Variants in THADA observed in about 807,000 individuals in gnomAD.
THADA encodes tRNA (32-2'-O)-methyltransferase regulator THADA.
A neutral mutation model predicts 219.8 loss-of-function variants in THADA; 213 were observed. That is an observed-to-expected ratio of 0.97 (90% CI 0.87 to 1.09). The LOEUF (loss-of-function observed/expected upper bound fraction) is 1.09, where lower values mean the gene tolerates loss of function less well. Among genes scored for constraint, THADA ranks in the 50% least tolerant of loss-of-function variants. THADA has a pLI of 0.00. For synonymous variants in THADA, 1,018 were observed against 828.9 expected, an observed-to-expected ratio of 1.23 and a Z score of -3.92; for missense variants, 2,956 against 2,311.3, an observed-to-expected ratio of 1.28 and a Z score of -5.72.
rs142507933 is a variant in THADA, at chr2:43,551,958, A to G, written c.2811-33T>C. 7.6e-5 allele frequency: 120 copies of G among 1,581,462 alleles called. 2 individuals are homozygous for G. In the East Asian group the frequency reaches 2.6e-3, roughly 35 times the overall value. On this transcript the variant is annotated intron_variant, in intron 18 of 37. Coordinates refer to ENST00000405975, the MANE Select transcript of THADA (RefSeq NM_022065.5). ...AAGGACATTAGGGAAATTTATACTA[A>G]AAGCAAAAATCACATTTTAAAAATG...
chr2:43,476,362 C>G (rs1023689023), intron 26 of THADA, among the ~76,000 whole-genome samples: 1 of 152,114 alleles, frequency 6.6e-6, no homozygotes, highest in African/African-American at 2.4e-5. Flanking sequence ...GGAAGCTTGC[C>G]TGGGGCTCAT....
At chr2:43,262,256 G>A (rs1451993469) in intron 36 of THADA, among the ~76,000 whole-genome samples, 3 of 152,148 alleles carry the variant, frequency 2.0e-5, no homozygotes, top group Admixed American at 6.5e-5. Flanking sequence ...AGTGTTTTAT[G>A]GGACTTTGGG....
intron 1 of THADA, among the ~76,000 whole-genome samples, chr2:43,595,146 G>A (rs1474894432): frequency 6.6e-6 from 1 of 152,136 alleles, no homozygotes; most frequent in African/African-American, 2.4e-5. Flanking sequence ...GTTCTAGAAG[G>A]GATATATGTC....
chr2:43,514,755 A>T lies in THADA; in HGVS notation c.3375-5975T>A, dbSNP rs1440554410. ...ATATGTATAATATATAATATTTTAT[A>T]TATAATATGTATAATATATATTTTA... On this transcript the variant is annotated intron_variant, in intron 22 of 37. Transcript: ENST00000405975. Among the ~76,000 whole-genome samples, 52 of 86,768 alleles carry T rather than the reference A, an allele frequency of 6.0e-4. 2 individuals carry two copies. Among genetic ancestry groups the T allele is most frequent in the African/African-American group, 2.6e-3 (51 of 19,790 alleles). The allele number at this position is 86,768 out of a possible 152,430, so 56.9% of individuals were successfully genotyped here. A position where few individuals can be genotyped will look rare whatever the true frequency, so the allele number is the denominator to read the frequency against.
At chr2:43,320,831 C>A (rs902486146) in intron 30 of THADA, among the ~76,000 whole-genome samples, 1 of 152,086 alleles carries the variant, frequency 6.6e-6, no homozygotes, top group Non-Finnish European at 1.5e-5. Flanking sequence ...AAGATCCTAT[C>A]TTAGTTAGTT....
At chr2:43,582,109 T>A (rs17031092) in intron 7 of THADA, among the ~76,000 whole-genome samples, 181 bp from the exon 8 acceptor site, 3 of 152,150 alleles carry the variant, frequency 2.0e-5, no homozygotes, top group African/African-American at 7.2e-5. Flanking sequence ...AATTGCAAAC[T>A]TTCAACACTG....
intron 26 of THADA, among the ~76,000 whole-genome samples, chr2:43,446,374 C>T (rs1681558419): frequency 1.3e-5 from 2 of 152,184 alleles, no homozygotes; most frequent in South Asian, 4.1e-4. Context: ...GCAGAAGTGA[C>T]ACTGTGCTAG....
chr2:43,244,389 G>A (rs6544634), intron 36 of THADA, among the ~76,000 whole-genome samples: 1 of 152,174 alleles, frequency 6.6e-6, no homozygotes, highest in South Asian at 2.1e-4. Flanking sequence ...TGAAAAAGAC[G>A]TGGTTCTCCA....
chr2:43,402,971 A>T (rs1419065333), intron 28 of THADA, among the ~76,000 whole-genome samples: 1 of 152,224 alleles, frequency 6.6e-6, no homozygotes, highest in East Asian at 1.9e-4. Context: ...CCCAGACAAA[A>T]GGAAGGAAAC....
At chr2:43,560,588 G>C (rs1025823726) in intron 15 of THADA, among the ~76,000 whole-genome samples, 5 of 152,040 alleles carry the variant, frequency 3.3e-5, no homozygotes, top group African/African-American at 1.2e-4. Flanking sequence ...AATTAAAAAA[G>C]ATTTTTAAAC....
Position 43,541,187 on chromosome 2 carries a change from G to T in THADA, c.3236C>A (p.Ser1079Tyr), listed in dbSNP as rs751470684. The T allele has an allele frequency of 3.1e-6, 5 of 1,596,132 alleles. No individual in the cohort carries two copies. The highest frequency in any genetic ancestry group is 2.3e-5 in the South Asian group (2 of 87,396). The change falls in exon 21 of 38, where the codon TCT becomes TAT. Residue 1079 changes from serine (S) to tyrosine (Y), a missense_variant. By Grantham distance (144) the Ser-to-Tyr change is moderately radical. Transcript: ENST00000405975. Reference sequence around the variant, plus strand: ...CTCCACCGTCAATAATCCATCAGAAGATTCTGGCACAGGCTGCATGGGCAG... The same window carrying T: ...CTCCACCGTCAATAATCCATCAGAATATTCTGGCACAGGCTGCATGGGCAG... The part of the protein sequence containing the change: ...QLLPMQPVPE[S>Y]SDGLLTVEQV...
intron 22 of THADA, among the ~76,000 whole-genome samples, chr2:43,510,500 G>A (rs1462959476): frequency 6.6e-6 from 1 of 152,026 alleles, no homozygotes; most frequent in Non-Finnish European, 1.5e-5. Flanking sequence ...TAAGATAAAT[G>A]TCTTGTGTTT....
At chr2:43,591,031 G>GTCTC (rs1701505758) in intron 3 of THADA, 77 bp from the exon 4 acceptor site, 7 of 1,402,984 alleles carry the variant, frequency 5.0e-6, no homozygotes, top group Non-Finnish European at 5.9e-6. Flanking sequence ...ACTCTTTGAA[G>GTCTC]TCTCAATTGC....
chr2:43,404,026 T>C (rs909528083), intron 28 of THADA, among the ~76,000 whole-genome samples: 2 of 152,208 alleles, frequency 1.3e-5, no homozygotes, highest in African/African-American at 2.4e-5. Flanking sequence ...TGGATTATAC[T>C]ACCTTCAAAA....
Position 43,571,802 on chromosome 2 carries a change from T to C in THADA, c.1969A>G (p.Met657Val), listed in dbSNP as rs3752354. 5.0e-6 allele frequency: 8 copies of C among 1,613,856 alleles called. No individual in the cohort carries two copies. In the East Asian group the frequency reaches 6.7e-5, roughly 13 times the overall value. Residue 657 changes from methionine to valine, a missense_variant, in exon 13 of 38, where the codon ATG (methionine) becomes GTG (valine). By Grantham distance (21) the Met-to-Val change is conservative (BLOSUM62 1). Coordinates refer to ENST00000405975, the MANE Select transcript of THADA (RefSeq NM_022065.5). ...AACTGAATCCACTGCATTTCTTCCA[T>C]GGAAACAATTTCTGTGCTCCGATTA... ...ESNRSTEIVS[M>V]EEMQWIQFFI...
intron 28 of THADA, among the ~76,000 whole-genome samples, chr2:43,403,816 A>C (rs932758329): frequency 3.3e-5 from 5 of 151,704 alleles, no homozygotes; most frequent in African/African-American, 7.3e-5. Flanking sequence ...TCTGACCCTG[A>C]CCCCACACCC....
intron 26 of THADA, among the ~76,000 whole-genome samples, chr2:43,483,554 T>C (rs1390269970): frequency 1.3e-5 from 2 of 152,186 alleles, no homozygotes; most frequent in Non-Finnish European, 2.9e-5. Flanking sequence ...TTCTCATTCC[T>C]ATTTCCTTTT....
intron 22 of THADA, among the ~76,000 whole-genome samples, chr2:43,526,346 C>CTA (rs1693161633): frequency 8.3e-5 from 2 of 24,064 alleles, no homozygotes; most frequent in African/African-American, 1.8e-3. Context: ...TTCCAAGACA[C>CTA]TATAATTTGG....
chr2:43,363,286 C>G (rs1168579411), intron 29 of THADA, among the ~76,000 whole-genome samples: 2 of 152,158 alleles, frequency 1.3e-5, no homozygotes, highest in African/African-American at 2.4e-5. Context: ...ACCAGCATCA[C>G]CACAAACACA....
Sources: allele counts gnomAD v4.1 joint callset (sites outside exome capture counted in the v4.1 genomes callset), GRCh38; gene constraint gnomAD v4.1.1; transcripts MANE v1.5; gene names NCBI Gene and HGNC (gene_info 2026-07-23, HGNC 2026-07-21).